The following SLC24A2 variants were observed in gnomAD, a reference collection of about 807,000 sequenced individuals.
The protein encoded by SLC24A2 is solute carrier family 24 member 2.
A neutral mutation model predicts 62.0 loss-of-function variants in SLC24A2; 36 were observed. The ratio of observed to expected loss-of-function variants is 0.58; its 90% CI spans 0.44 to 0.77. SLC24A2 has a LOEUF of 0.77. Ranked by LOEUF, SLC24A2 falls within the 30% of genes least tolerant of loss-of-function variation. The pLI is 0.00. For synonymous variants in SLC24A2, 358 were observed against 294.0 expected (o/e 1.22, Z -2.23); for missense variants, 846 against 817.9 (o/e 1.03, Z -0.42).
At chr9:19,758,605 G>A (rs1355776191) in intron 2 of SLC24A2, among the ~76,000 whole-genome samples, 1 of 152,126 alleles carries the variant, frequency 6.6e-6, no homozygotes, top group Admixed American at 6.5e-5. Context: ...AAAGCAACAA[G>A]AGATCAAGGT....
chr9:19,563,905 G>A (rs1162760035), intron 7 of SLC24A2, among the ~76,000 whole-genome samples: 3 of 144,626 alleles, frequency 2.1e-5, no homozygotes, highest in South Asian at 4.6e-4. Context: ...CTAGGCTGGA[G>A]TGCACTAGGG....
the SLC24A2 span, among the ~76,000 whole-genome samples, chr9:20,225,867 T>A: frequency 1.3e-5 from 2 of 151,986 alleles, no homozygotes; most frequent in African/African-American, 2.4e-5. Context: ...CATTTGTTCC[T>A]CTTGTTTACT....
At chr9:19,600,924 A>G (rs1836824096) in intron 4 of SLC24A2, among the ~76,000 whole-genome samples, 1 of 152,224 alleles carries the variant, frequency 6.6e-6, no homozygotes, top group South Asian at 2.1e-4. Flanking sequence ...CAAGAGAATC[A>G]ACCCAAAACA....
At chr9:20,251,240 T>C in the SLC24A2 span, among the ~76,000 whole-genome samples, 1 of 152,342 alleles carries the variant, frequency 6.6e-6, no homozygotes, top group Non-Finnish European at 1.5e-5. Context: ...CTCATACTCT[T>C]AGGTGTTTCC....
At chr9:20,147,289 AC>A in the SLC24A2 span, among the ~76,000 whole-genome samples, 1 of 152,134 alleles carries the variant, frequency 6.6e-6, no homozygotes, top group Non-Finnish European at 1.5e-5. Context: ...AGATTGCCTC[AC>A]CTCCAAAGTT....
intron 2 of SLC24A2, among the ~76,000 whole-genome samples, chr9:19,634,281 C>CT (rs35884916): frequency 0.52 from 41,871 of 79,828 alleles, 11,442 homozygotes; most frequent in East Asian, 0.68. Flanking sequence ...ACTGCAGCCT[C>CT]TTTTTTTTTT....
the SLC24A2 span, among the ~76,000 whole-genome samples, chr9:19,885,087 G>T: frequency 6.6e-6 from 1 of 152,166 alleles, no homozygotes. Flanking sequence ...ATCCTTGTGA[G>T]TGTCTCCATA....
intron 2 of SLC24A2, among the ~76,000 whole-genome samples, chr9:19,659,677 T>G (rs914875926): frequency 6.6e-6 from 1 of 152,190 alleles, no homozygotes; most frequent in Non-Finnish European, 1.5e-5. Context: ...AGACTGTATT[T>G]TTAACACTGA....
At chr9:19,594,285 C>T (rs1256977222) in intron 5 of SLC24A2, among the ~76,000 whole-genome samples, 1 of 152,004 alleles carries the variant, frequency 6.6e-6, no homozygotes, top group African/African-American at 2.4e-5. Context: ...TCAAACTGCC[C>T]ACCCTTTACT....
chr9:20,081,240 A>C, the SLC24A2 span, among the ~76,000 whole-genome samples: 2 of 152,070 alleles, frequency 1.3e-5, no homozygotes, highest in Admixed American at 1.3e-4. Flanking sequence ...AATGTCCAAC[A>C]ATGATAGACT....
chr9:20,273,139 A>C, the SLC24A2 span, among the ~76,000 whole-genome samples: 1 of 152,188 alleles, frequency 6.6e-6, no homozygotes, highest in African/African-American at 2.4e-5. Flanking sequence ...CTTGTCCCTG[A>C]TGGAGCACAG....
At chr9:19,926,939 G>C in the SLC24A2 span, 3 of 152,682 alleles carry the variant, frequency 2.0e-5, no homozygotes, top group Non-Finnish European at 4.4e-5. Context: ...GTCAGGGGTG[G>C]TAGAGGAACG....
chr9:19,604,548 A>G (rs935500827), intron 4 of SLC24A2, among the ~76,000 whole-genome samples: 1 of 152,206 alleles, frequency 6.6e-6, no homozygotes, highest in African/African-American at 2.4e-5. Flanking sequence ...TGGGTCAGCA[A>G]AGCCGAGTTT....
At chr9:20,277,879 A>G in the SLC24A2 span, among the ~76,000 whole-genome samples, 2 of 152,248 alleles carry the variant, frequency 1.3e-5, no homozygotes, top group Non-Finnish European at 1.5e-5. Context: ...AATATGGCAC[A>G]TATACACCAT....
chr9:20,144,766 G>C, the SLC24A2 span, among the ~76,000 whole-genome samples: 3 of 151,878 alleles, frequency 2.0e-5, no homozygotes, highest in African/African-American at 7.3e-5. Context: ...TCATAAGAAA[G>C]GTTTGCCTCG....
At chr9:20,130,881 A>G in the SLC24A2 span, among the ~76,000 whole-genome samples, 25 of 151,650 alleles carry the variant, frequency 1.6e-4, no homozygotes, top group African/African-American at 5.3e-4. Context: ...TTCATTGCCC[A>G]CTCCTGCTTT....
intron 2 of SLC24A2, among the ~76,000 whole-genome samples, chr9:19,668,903 G>T (rs149087072): frequency 3.9e-5 from 6 of 152,162 alleles, no homozygotes; most frequent in African/African-American, 1.4e-4. Flanking sequence ...GTATATAAAA[G>T]TACATAGTAC....
chr9:20,103,460 G>C, the SLC24A2 span, among the ~76,000 whole-genome samples: 11 of 152,316 alleles, frequency 7.2e-5, no homozygotes, highest in South Asian at 2.1e-4. Flanking sequence ...AGCAGGGGCA[G>C]ACTGACACCT....
At chr9:20,148,864 C>G in the SLC24A2 span, among the ~76,000 whole-genome samples, 5 of 151,990 alleles carry the variant, frequency 3.3e-5, no homozygotes, top group African/African-American at 1.2e-4. Flanking sequence ...ACCCAGAAAG[C>G]CAATTCTATT....
Sources: gnomAD v4.1 joint callset for allele counts (sites outside exome capture counted in the v4.1 genomes callset) on GRCh38, gnomAD v4.1.1 for gene constraint, MANE v1.5 for transcripts, NCBI Gene and HGNC (gene_info 2026-07-23, HGNC 2026-07-21) for gene names.